ELP1: variants seen among roughly 807,000 people sequenced by gnomAD.
ELP1 encodes the protein elongator acetyltransferase complex subunit 1, also known as elongator complex protein 1.
ELP1 carries 131 observed loss-of-function variants against 183.2 expected under a neutral mutation model. The ratio of observed to expected loss-of-function variants is 0.72; its 90% confidence interval spans 0.62 to 0.83. ELP1 has a LOEUF of 0.83. Ranked by LOEUF, ELP1 falls within the 40% of genes least tolerant of loss-of-function variation. The pLI, the probability that ELP1 is intolerant of heterozygous loss-of-function variation, is 0.00. For synonymous variants in ELP1, 555 were observed against 569.0 expected (o/e 0.98, Z 0.35); for missense variants, 1,550 against 1,594.9 (o/e 0.97, Z 0.48).
At chr9:108,885,019 T>C (rs1320187185) in intron 29 of ELP1, among the ~76,000 whole-genome samples, 1 of 151,966 alleles carries the variant, frequency 6.6e-6, no homozygotes, top group Non-Finnish European at 1.5e-5. Flanking sequence ...AGTTTGAGAC[T>C]GCAGTGAACC....
chr9:108,927,818 T>C (rs1564108145), intron 3 of ELP1, among the ~76,000 whole-genome samples: 1 of 152,206 alleles, frequency 6.6e-6, no homozygotes. Flanking sequence ...CTCACTTATT[T>C]GTGCGATCTA....
At chr9:108,870,752 TA>T (rs1489038121) in intron 36 of ELP1, among the ~76,000 whole-genome samples, 2 of 152,232 alleles carry the variant, frequency 1.3e-5, no homozygotes, top group African/African-American at 4.8e-5. Flanking sequence ...ATCCATGTTG[TA>T]AAAGAAGCCA....
At chr9:108,930,202 A>G (rs1829953992) in intron 2 of ELP1, among the ~76,000 whole-genome samples, 1 of 152,208 alleles carries the variant, frequency 6.6e-6, no homozygotes, top group Admixed American at 6.5e-5. Flanking sequence ...GCTAATAGCT[A>G]TGCTTTTCTA....
chr9:108,882,092 A>T, intron 30 of ELP1, 33 bp downstream of exon 30: 1 of 1,587,900 alleles, frequency 6.3e-7, no homozygotes, highest in South Asian at 1.1e-5. Context: ...TCTGCTTAGC[A>T]CCCAACATCC....
Position 108,912,381 on chromosome 9 carries a change from G to A in ELP1, c.1072C>T (p.Arg358Trp), listed in dbSNP as rs750718439. 12 of 1,613,982 alleles carry A rather than the reference G, an allele frequency of 7.4e-6. No homozygotes were observed. Among genetic ancestry groups the A allele is most frequent in the African/African-American group, 4.0e-5 (3 of 74,916 alleles). ...CAGCCCTGACAGAGAACATGCAGCCGGTATGGGGTCACAGGGTCCCACATC... is the reference window on the plus strand; with the variant it reads ...CAGCCCTGACAGAGAACATGCAGCCAGTATGGGGTCACAGGGTCCCACATC... ...SLMWDPVTPYRLHVLCQGWHY... is the reference protein window; with the variant it reads ...SLMWDPVTPYWLHVLCQGWHY... The change falls in exon 11 of 37, where the codon CGG becomes TGG. Residue 358 changes from arginine (R) to tryptophan (W), a missense_variant. Physicochemically the swap from Arg to Trp is moderately radical, Grantham distance 101. Transcript: ENST00000374647.
intron 10 of ELP1, among the ~76,000 whole-genome samples, chr9:108,915,840 G>C (rs1829411648): frequency 6.6e-6 from 1 of 151,790 alleles, no homozygotes; most frequent in Non-Finnish European, 1.5e-5. Context: ...TATGGTACTT[G>C]AGGAATGCAA....
chr9:108,880,924 A>C (rs757438881), intron 31 of ELP1, among the ~76,000 whole-genome samples: 2 of 152,226 alleles, frequency 1.3e-5, no homozygotes, highest in Non-Finnish European at 2.9e-5. Context: ...TAAATGTCAG[A>C]AAGGCCAGAC....
At chr9:108,872,703 G>A (rs1827509410) in intron 36 of ELP1, among the ~76,000 whole-genome samples, 1 of 147,582 alleles carries the variant, frequency 6.8e-6, no homozygotes, top group Non-Finnish European at 1.5e-5. Context: ...TACTCAGGAG[G>A]GTGAGGCAGG....
chr9:108,871,102 G>T (rs1587863500), intron 36 of ELP1, among the ~76,000 whole-genome samples: 1 of 151,284 alleles, frequency 6.6e-6, no homozygotes, highest in South Asian at 2.1e-4. Flanking sequence ...TATTGTCCTG[G>T]GCTTGATGGC....
intron 26 of ELP1, 43 bp from the exon 27 acceptor site, chr9:108,893,126 G>T: frequency 7.4e-7 from 1 of 1,358,376 alleles, no homozygotes; most frequent in Non-Finnish European, 1.1e-6. Context: ...TAAGACATGG[G>T]AAGCATAATG....
intron 4 of ELP1, 118 bp from the exon 5 acceptor site, chr9:108,926,721 T>C: frequency 1.3e-6 from 1 of 744,702 alleles, no homozygotes; most frequent in Non-Finnish European, 2.3e-6. Flanking sequence ...CAGACAGAAT[T>C]CATCCAAAAT....
At position 108,917,503 on chromosome 9, in the gene ELP1, G is replaced by C. The variant is rs547555598; in HGVS notation, c.864+44C>G. The stretch of plus-strand genomic sequence containing the variant: ...AAAAAAAATTCCCTCTATAGCTATG[G>C]AAAGTCCTCTACATTCGAGGGTGAA... On this transcript the variant is annotated intron_variant, in intron 9 of 36. Transcript: ENST00000374647. 8.8e-6 allele frequency: 14 copies of C among 1,592,816 alleles called. No homozygotes were observed. In the South Asian group the frequency reaches 1.4e-4, roughly 16 times the overall value.
At chr9:108,930,513 A>G (rs1829965715) in intron 2 of ELP1, among the ~76,000 whole-genome samples, 1 of 152,044 alleles carries the variant, frequency 6.6e-6, no homozygotes, top group Non-Finnish European at 1.5e-5. Context: ...ACACGGTGAA[A>G]CCGCACATCT....
chr9:108,908,260 C>A (rs1180283474), intron 13 of ELP1, 45 bp downstream of exon 13: 1 of 1,412,628 alleles, frequency 7.1e-7, no homozygotes, highest in Non-Finnish European at 1.0e-6. Context: ...GGACTGCATG[C>A]TGGCTGATTC....
At position 108,918,907 on chromosome 9, in the gene ELP1, C is replaced by T. The variant is rs571466270; in HGVS notation, c.650-6G>A. 1.7e-4 allele frequency: 278 copies of T among 1,611,376 alleles called. 1 individual carries two copies. Among genetic ancestry groups the T allele is most frequent in the South Asian group, 1.3e-3 (119 of 91,008 alleles). Reference sequence around the variant, plus strand: ...CACTCTGACCTTCCGAGCCCCTGTGCGGGAGTGGAGTCAAACACACATACA... The same window carrying T: ...CACTCTGACCTTCCGAGCCCCTGTGTGGGAGTGGAGTCAAACACACATACA... On this transcript the variant is annotated splice_polypyrimidine_tract_variant and splice_region_variant and intron_variant, in intron 7 of 36. Coordinates refer to ENST00000374647, the MANE Select transcript of ELP1 (RefSeq NM_003640.5).
At chr9:108,920,821 T>TACTGGATAGTAC (rs1829618479) in intron 6 of ELP1, among the ~76,000 whole-genome samples, 1 of 152,240 alleles carries the variant, frequency 6.6e-6, no homozygotes, top group Non-Finnish European at 1.5e-5. Flanking sequence ...TAGAGTAGTT[T>TACTGGATAGTAC]ACTGGATAGT....
intron 18 of ELP1, among the ~76,000 whole-genome samples, chr9:108,901,075 G>A (rs547466167): frequency 1.2e-4 from 18 of 152,108 alleles, no homozygotes; most frequent in African/African-American, 2.7e-4. Flanking sequence ...GTGGAGGGTG[G>A]GCACAGTGGG....
In ELP1 at chr9:108,894,079, TTAA is replaced by T. The variant is rs759864848; in HGVS notation, c.2737-16_2737-14del. 64 of 1,405,194 alleles carry T rather than the reference TTAA, an allele frequency of 4.6e-5. 1 individual carries two copies. The South Asian group carries it at 7.4e-4, about 16-fold the overall frequency. The allele number at this position is 1,405,194 out of a possible 1,614,324, so 87.0% of individuals were successfully genotyped here. ...ATTCTTTGGGATCCTAAAAAAATGA[TTAA>T]TGAGAACTTTATTACTTGTGATATT... On this transcript the variant is annotated splice_polypyrimidine_tract_variant and intron_variant, in intron 25 of 36. Coordinates refer to ENST00000374647, the MANE Select transcript of ELP1 (RefSeq NM_003640.5).
At chr9:108,875,537 G>A (rs529422353) in intron 35 of ELP1, 7 of 261,472 alleles carry the variant, frequency 2.7e-5, no homozygotes, top group South Asian at 1.2e-4. Context: ...AGTCACTCAC[G>A]GTATCCTGCA....
Sources: allele counts gnomAD v4.1 joint callset (sites outside exome capture counted in the v4.1 genomes callset), GRCh38; gene constraint gnomAD v4.1.1; transcripts MANE v1.5; gene names NCBI Gene and HGNC (gene_info 2026-07-23, HGNC 2026-07-21).